The following SOX6 variants were observed in gnomAD, a reference collection of about 807,000 sequenced individuals.
SOX6 encodes the protein SRY-box transcription factor 6, also known as transcription factor SOX-6.
SOX6 carries 11 observed loss-of-function variants against 97.8 expected under a neutral mutation model. The ratio of observed to expected loss-of-function variants is 0.11; its 90% confidence interval spans 0.07 to 0.19. The LOEUF is 0.19. Ranked by LOEUF, SOX6 falls within the 10% of genes least tolerant of loss-of-function variation. The pLI is 1.00. For missense variants in SOX6, 810 were observed against 1,039.5 expected (o/e 0.78, Z 3.04); for synonymous variants, 360 against 371.4 (o/e 0.97, Z 0.35).
chr11:16,362,381 C>G (rs1857231484), intron 1 of SOX6, among the ~76,000 whole-genome samples: 1 of 152,072 alleles, frequency 6.6e-6, no homozygotes, highest in African/African-American at 2.4e-5. Context: ...TCCCTAACTT[C>G]ACTCCTCCAC....
At chr11:16,443,721 A>C (rs1165216589) in intron 1 of SOX6, among the ~76,000 whole-genome samples, 3 of 152,146 alleles carry the variant, frequency 2.0e-5, no homozygotes, top group Non-Finnish European at 4.4e-5. Context: ...ATTTTTAAAA[A>C]CATTTGCCCT....
intron 1 of SOX6, among the ~76,000 whole-genome samples, chr11:16,444,029 A>AT (rs1324216373): frequency 2.0e-5 from 3 of 151,786 alleles, no homozygotes; most frequent in African/African-American, 7.3e-5. Flanking sequence ...AAAAAAAAAA[A>AT]AATTGCCCCG....
chr11:16,228,902 T>C (rs971682836), intron 4 of SOX6, among the ~76,000 whole-genome samples: 8 of 152,144 alleles, frequency 5.3e-5, no homozygotes, highest in African/African-American at 1.9e-4. Context: ...TTTAGAAACA[T>C]TGCTTTACGT....
chr11:16,660,205 A>G (rs1033466426), intron 3 of SOX6, among the ~76,000 whole-genome samples: 3 of 152,136 alleles, frequency 2.0e-5, no homozygotes, highest in African/African-American at 7.2e-5. Flanking sequence ...GTGGAAATTC[A>G]GATAATTTAT....
rs117361760 is a variant in SOX6 at position 16,646,912 on chromosome 11, T to C, written n.430-34652A>G. 1.5e-3 allele frequency among the ~76,000 whole-genome samples: 231 copies of C among 152,336 alleles called. 6 individuals are homozygous for C. In the East Asian group the frequency reaches 0.034, roughly 23 times the overall value. ...TCTGGGCAGATACCCAGTAGTGGGA[T>C]TGCTGGACGAAATGGTAGTTCTACC... is the stretch of plus-strand genomic sequence containing the variant. On this transcript the variant is annotated intron_variant and non_coding_transcript_variant, in intron 3 of 5. Coordinates refer to the SOX6 transcript ENST00000524520.
At chr11:16,526,377 G>A (rs575630694) in intron 4 of SOX6, among the ~76,000 whole-genome samples, 24 of 151,700 alleles carry the variant, frequency 1.6e-4, no homozygotes, top group Middle Eastern at 3.4e-3. Context: ...GTAAACTATC[G>A]CAAGGACAAA....
intron 4 of SOX6, among the ~76,000 whole-genome samples, chr11:16,508,964 T>C (rs1488898400): frequency 6.6e-6 from 1 of 152,060 alleles, no homozygotes; most frequent in African/African-American, 2.4e-5. Flanking sequence ...TGCAAATATG[T>C]ACCAATAAAG....
At chr11:16,176,111 G>GAGAC (rs1851179568) in intron 6 of SOX6, among the ~76,000 whole-genome samples, 1 of 147,860 alleles carries the variant, frequency 6.8e-6, no homozygotes, top group Non-Finnish European at 1.5e-5. Flanking sequence ...ATGGATGGAT[G>GAGAC]AGACAGAGAG....
At chr11:16,107,402 TATGTATATATATATAC>T (rs1849116528) in intron 7 of SOX6, among the ~76,000 whole-genome samples, 4 of 147,228 alleles carry the variant, frequency 2.7e-5, no homozygotes, top group Non-Finnish European at 4.5e-5. Context: ...TATGTATATA[TATGTATATATATATAC>T]ATATATATAC....
chr11:16,701,600 G>T (rs1848094019), intron 3 of SOX6, among the ~76,000 whole-genome samples: 1 of 151,954 alleles, frequency 6.6e-6, no homozygotes, highest in Non-Finnish European at 1.5e-5. Flanking sequence ...ACTCACGCCT[G>T]TAATCCCAGC....
At chr11:16,226,061 CTG>C (rs1852678589) in intron 4 of SOX6, among the ~76,000 whole-genome samples, 1 of 152,050 alleles carries the variant, frequency 6.6e-6, no homozygotes, top group Admixed American at 6.6e-5. Flanking sequence ...AGTTGAGTAA[CTG>C]TAATAAGTAA....
chr11:16,247,064 T>C (rs144542898), intron 3 of SOX6, among the ~76,000 whole-genome samples: 1 of 152,264 alleles, frequency 6.6e-6, no homozygotes, highest in African/African-American at 2.4e-5. Flanking sequence ...CTGCTCCCCA[T>C]TATCCTTCCC....
intron 1 of SOX6, among the ~76,000 whole-genome samples, chr11:16,396,472 T>G (rs933234243): frequency 4.0e-5 from 6 of 151,652 alleles, no homozygotes; most frequent in African/African-American, 1.4e-4. Context: ...GAAAAAGATT[T>G]TTTTCTGTGC....
At chr11:16,298,188 A>G (rs1048890559) in intron 3 of SOX6, among the ~76,000 whole-genome samples, 5 of 152,160 alleles carry the variant, frequency 3.3e-5, no homozygotes, top group African/African-American at 1.2e-4. Flanking sequence ...TTATAGTGTA[A>G]CTTTAAAATC....
chr11:15,997,444 T>C (rs1004132087), intron 13 of SOX6, among the ~76,000 whole-genome samples: 2 of 152,182 alleles, frequency 1.3e-5, no homozygotes, highest in African/African-American at 2.4e-5. Context: ...GTTAACAAAT[T>C]GAATCCAGCC....
At chr11:16,719,562 A>G (rs1034157776) in intron 2 of SOX6, among the ~76,000 whole-genome samples, 1 of 152,224 alleles carries the variant, frequency 6.6e-6, no homozygotes, top group Non-Finnish European at 1.5e-5. Flanking sequence ...AATGTTTAGT[A>G]AAGTTTTCTG....
intron 9 of SOX6, among the ~76,000 whole-genome samples, chr11:16,086,336 A>G (rs954435777): frequency 6.6e-6 from 1 of 152,206 alleles, no homozygotes; most frequent in African/African-American, 2.4e-5. Flanking sequence ...ATTCCTGAGA[A>G]GAAAGCAGCC....
intron 1 of SOX6, among the ~76,000 whole-genome samples, chr11:16,460,239 A>G (rs951549182): frequency 6.6e-6 from 1 of 152,076 alleles, no homozygotes; most frequent in Non-Finnish European, 1.5e-5. Flanking sequence ...TTTTTCAGAA[A>G]TATAAAATGA....
chr11:16,642,698 G>T (rs1848937998), intron 3 of SOX6, among the ~76,000 whole-genome samples: 2 of 152,040 alleles, frequency 1.3e-5, no homozygotes, highest in South Asian at 4.2e-4. Context: ...TCTTCCAGTT[G>T]ATTGAATTGG....
Sources: allele counts gnomAD v4.1 joint callset (sites outside exome capture counted in the v4.1 genomes callset), GRCh38; gene constraint gnomAD v4.1.1; transcripts MANE v1.5; gene names NCBI Gene and HGNC (gene_info 2026-07-23, HGNC 2026-07-21).